MAP7D1: variants seen among roughly 807,000 people sequenced by gnomAD.
MAP7D1 encodes the protein MAP7 domain-containing protein 1.
Under a neutral mutation model 97.5 loss-of-function variants are expected in MAP7D1, and 30 were observed. The observed-to-expected ratio is 0.31, with a 90% CI of 0.23 to 0.42. The LOEUF is 0.42. MAP7D1 is among the 10% of genes least tolerant of loss of function. The pLI is 1.00. For synonymous variants in MAP7D1, 536 were observed against 477.1 expected, an observed-to-expected ratio of 1.12 and a Z score of -1.61; for missense variants, 1,184 against 1,179.5, an observed-to-expected ratio of 1.00 and a Z score of -0.06.
In MAP7D1 at chr1:36,179,715, T is replaced by C; in HGVS notation, c.2277T>C (p.Ala759=). Residue 759 remains alanine, a synonymous_variant, in exon 15 of 17, where the codon GCT becomes GCC. Coordinates refer to ENST00000474796, the MANE Select transcript of MAP7D1 (RefSeq NM_001388490.1). Reference sequence around the variant, plus strand: ...GGTCCCCAGGGCTGCAGAAGGAGGCTGTGCAGAAAGAGGAGCCCATCCCAC... The same window carrying C: ...GGTCCCCAGGGCTGCAGAAGGAGGCCGTGCAGAAAGAGGAGCCCATCCCAC... ...EARSPGLQKE[A]VQKEEPIPQE... is the part of the protein sequence containing the mutation. 1 of 1,517,878 alleles carries C rather than the reference T, an allele frequency of 6.6e-7. No individual in the cohort carries two copies. 94.0% of individuals were successfully genotyped at this position (1,517,878 alleles called of 1,614,324 possible). A position where few individuals can be genotyped will look rare whatever the true frequency, so the allele number is the denominator to read the frequency against.
chr1:36,177,671 A>G (rs1265918325), intron 8 of MAP7D1: 1 of 837,036 alleles, frequency 1.2e-6, no homozygotes, highest in East Asian at 2.7e-5. Context: ...GACATACAAT[A>G]ATCAAAGAAT....
At chr1:36,163,823 T>TTC (rs1644442530) in intron 1 of MAP7D1, among the ~76,000 whole-genome samples, 1 of 30,636 alleles carries the variant, frequency 3.3e-5, no homozygotes, top group African/African-American at 6.8e-5. Flanking sequence ...TTTTCTTTTT[T>TTC]TTTTTTTTTT....
In MAP7D1 at chr1:36,176,979, C is replaced by T. The variant is rs916560514; in HGVS notation, c.1379+137C>T. 13 of 787,702 alleles carry T rather than the reference C, an allele frequency of 1.7e-5. No homozygotes were observed. The South Asian group carries it at 2.3e-4, about 14-fold the overall frequency. The allele number at this position is 787,702 out of a possible 1,614,324, so 48.8% of individuals were successfully genotyped here. On this transcript the variant is annotated intron_variant, in intron 8 of 16. Coordinates refer to ENST00000474796, the MANE Select transcript of MAP7D1 (RefSeq NM_001388490.1). This position sits in a 1 kb window ranked among gnomAD's most constrained non-coding sequence, Gnocchi z 6.1. ...CTCTCTGTTTTGTTTGAGACAGGAT[C>T]TCCCTCTGTCACCCAGGCTGGAGTG...
chr1:36,174,193 A>C (rs1644585884), intron 5 of MAP7D1, among the ~76,000 whole-genome samples: 1 of 152,214 alleles, frequency 6.6e-6, no homozygotes, highest in Non-Finnish European at 1.5e-5. Flanking sequence ...TGTTTGAAGG[A>C]TCAAATGAGG....
At chr1:36,168,296 G>GA (rs5773520) in intron 1 of MAP7D1, among the ~76,000 whole-genome samples, 94,797 of 138,024 alleles carry the variant, frequency 0.69, 32,327 homozygotes, top group African/African-American at 0.76. Context: ...TCCATCTCAG[G>GA]AAAAAAAAAA....
At chr1:36,179,201 G>A (rs1477785541) in intron 12 of MAP7D1, 61 bp from the exon 13 acceptor site, 6 of 1,587,986 alleles carry the variant, frequency 3.8e-6, no homozygotes, top group Non-Finnish European at 5.2e-6. Flanking sequence ...GGGTCTGGCT[G>A]GTGGGAGGTT....
intron 3 of MAP7D1, 150 bp from the exon 4 acceptor site, chr1:36,172,314 G>T (rs1644556218): frequency 1.4e-6 from 1 of 691,200 alleles, no homozygotes; most frequent in Non-Finnish European, 2.2e-6. Context: ...ATTTGAGGGG[G>T]TTGTCTCAGA....
chr1:36,156,631 G>A (rs1418642631), intron 1 of MAP7D1, among the ~76,000 whole-genome samples, 168 bp downstream of exon 1: 1 of 152,158 alleles, frequency 6.6e-6, no homozygotes, highest in Non-Finnish European at 1.5e-5. Context: ...GGCTCGCGAT[G>A]CATCCTCTGA....
chr1:36,178,166 C>A lies in MAP7D1; in HGVS notation c.1673C>A (p.Pro558His). ...GCGCCCTCGCCCACCCCAGCCCCGC[C>A]CCAGAAGGAGCAGCCCCCCGCGGAG... ...SPAPSPTPAPPQKEQPPAETP... is the reference protein window; with the variant it reads ...SPAPSPTPAPHQKEQPPAETP... Residue 558 changes from proline (P) to histidine (H), a missense_variant, in exon 9 of 17, where the codon CCC (proline) becomes CAC (histidine). Physicochemically the swap from Pro to His is moderately conservative, Grantham distance 77. Coordinates refer to ENST00000474796, the MANE Select transcript of MAP7D1 (RefSeq NM_001388490.1). 6.3e-7 allele frequency: 1 copy of A among 1,579,462 alleles called. No homozygotes were observed. The highest frequency in any genetic ancestry group is 8.6e-7 in the Non-Finnish European group (1 of 1,164,068).
Position 36,171,498 on chromosome 1 carries a change from G to A in MAP7D1, c.392-15G>A. On this transcript the variant is annotated splice_polypyrimidine_tract_variant and intron_variant, in intron 2 of 16. Transcript: ENST00000474796. ...ACAGCCTTTTGACCTGTCTGTTCTT[G>A]TTCCCTCTGCTCAGAGGTGAAGAAG... is the stretch of plus-strand genomic sequence containing the variant. 1 of 1,614,056 alleles carries A rather than the reference G, an allele frequency of 6.2e-7. No homozygotes were observed.
chr1:36,171,235 G>A lies in MAP7D1; in HGVS notation c.311G>A (p.Arg104Gln), dbSNP rs766112445. Residue 104 changes from arginine (R) to glutamine (Q), a missense_variant, in exon 2 of 17, where the codon CGG becomes CAG. Coordinates refer to ENST00000474796, the MANE Select transcript of MAP7D1 (RefSeq NM_001388490.1). ...CCCACCCCACCAGCCATGGGCCCACGGGATGCCAGACCTCCTCGAAGGAGC... is the reference window on the plus strand; with the variant it reads ...CCCACCCCACCAGCCATGGGCCCACAGGATGCCAGACCTCCTCGAAGGAGC... ...RGPTPPAMGP[R>Q]DARPPRRSSQ... The A allele has an allele frequency of 8.1e-6, 13 of 1,610,130 alleles. No individual in the cohort carries two copies. The highest frequency in any genetic ancestry group is 8.0e-5 in the African/African-American group (6 of 74,718).
At chr1:36,169,543 G>A (rs537165091) in intron 1 of MAP7D1, among the ~76,000 whole-genome samples, 2 of 151,030 alleles carry the variant, frequency 1.3e-5, no homozygotes, top group Admixed American at 6.6e-5. Flanking sequence ...GTGACAGAGC[G>A]AGACTCCGTC....
chr1:36,176,837 G>A lies in MAP7D1; in HGVS notation c.1374G>A (p.Glu458=). The change falls in exon 8 of 17, where the codon GAG becomes GAA. Residue 458 remains glutamate (E), a synonymous_variant. Coordinates refer to ENST00000474796, the MANE Select transcript of MAP7D1 (RefSeq NM_001388490.1). This position sits in a 1 kb window ranked among gnomAD's most constrained non-coding sequence, Gnocchi z 6.1. The part of the protein sequence containing the change: ...RARLSASTAS[E]LSPKSKARPS... ...GCCTCTCTGCCAGCACCGCCTCTGA[G>A]CTCAGGTGGGCGCGGGCGGTGCGAG... is the stretch of plus-strand genomic sequence containing the variant. 5 of 1,595,780 alleles carry A rather than the reference G, an allele frequency of 3.1e-6. No individual in the cohort carries two copies. Among genetic ancestry groups the A allele is most frequent in the Non-Finnish European group, 4.3e-6 (5 of 1,172,164 alleles).
chr1:36,179,838 A>T lies in MAP7D1; in HGVS notation c.2319-36A>T. ...GCGGGGTGGCCTGGGCTTTCCTGGG[A>T]GGTGAGGTGCTGAGCCTTGGCCTCT... On this transcript the variant is annotated intron_variant, in intron 15 of 16. Transcript: ENST00000474796. 3 of 1,586,288 alleles carry T rather than the reference A, an allele frequency of 1.9e-6. No homozygotes were observed. The South Asian group carries it at 3.4e-5, about 18-fold the overall frequency.
At chr1:36,172,732 CTA>C (rs1644563859) in intron 4 of MAP7D1, 105 bp downstream of exon 4, 5 of 1,205,604 alleles carry the variant, frequency 4.1e-6, no homozygotes, top group African/African-American at 3.1e-5. Context: ...TTATCTGTGT[CTA>C]TGTGGTCCTA....
At chr1:36,177,275 G>A (rs113021293) in intron 8 of MAP7D1, among the ~76,000 whole-genome samples, 282 of 151,722 alleles carry the variant, frequency 1.9e-3, no homozygotes, top group African/African-American at 6.5e-3. Flanking sequence ...CTTTTTGTTC[G>A]TTTTTGTTTT....
Position 36,176,510 on chromosome 1 carries a change from C to A in MAP7D1, c.1162C>A (p.Arg388Ser). Reference sequence around the variant, plus strand: ...GCACCGCTGCGCCCCCGCCGGTGAGCGCGGGGAGCGCCGCAAGCCCAACGC... The same window carrying A: ...GCACCGCTGCGCCCCCGCCGGTGAGAGCGGGGAGCGCCGCAAGCCCAACGC... ...SVHRCAPAGE[R>S]GERRKPNAGG... Residue 388 changes from arginine (R) to serine (S), a missense_variant, in exon 7 of 17, where the codon CGC (arginine) becomes AGC (serine). By Grantham distance (110) the Arg-to-Ser change is moderately radical. Coordinates refer to ENST00000474796, the MANE Select transcript of MAP7D1 (RefSeq NM_001388490.1). The surrounding 1 kb of genome is among the most constrained non-coding windows in gnomAD (Gnocchi z 6.1). The A allele has an allele frequency of 1.5e-6, 2 of 1,374,372 alleles. No homozygotes were observed. Among genetic ancestry groups the A allele is most frequent in the East Asian group, 3.3e-5 (1 of 30,106 alleles). 85.1% of individuals were successfully genotyped at this position (1,374,372 alleles called of 1,614,324 possible). A position where few individuals can be genotyped will look rare whatever the true frequency, so the allele number is the denominator to read the frequency against.
chr1:36,173,389 G>T lies in MAP7D1; in HGVS notation c.650G>T (p.Arg217Leu). Reference protein sequence around the residue: ...NKERYEAAIQRSVKKTWAEIR... With the variant: ...NKERYEAAIQLSVKKTWAEIR... ...GAGCGCTATGAAGCAGCCATCCAAC[G>T]GTCAGTGAAGAAGACGTGGGCCGAA... Residue 217 changes from arginine to leucine, a missense_variant, in exon 5 of 17, where the codon CGG becomes CTG. Transcript: ENST00000474796. 1.2e-6 allele frequency: 2 copies of T among 1,613,992 alleles called. No individual in the cohort carries two copies. Among genetic ancestry groups the T allele is most frequent in the South Asian group, 1.1e-5 (1 of 91,056 alleles).
At chr1:36,170,171 C>G (rs532366749) in intron 1 of MAP7D1, among the ~76,000 whole-genome samples, 2 of 152,336 alleles carry the variant, frequency 1.3e-5, no homozygotes, top group East Asian at 3.9e-4. Flanking sequence ...ACTCTGAAGC[C>G]TGTCTCTCAA....
Sources: allele counts gnomAD v4.1 joint callset (sites outside exome capture counted in the v4.1 genomes callset), GRCh38; gene constraint gnomAD v4.1.1; non-coding constraint Gnocchi (gnomAD v3.1); transcripts MANE v1.5; gene names NCBI Gene and HGNC (gene_info 2026-07-23, HGNC 2026-07-21).